Variants in ARHGAP10 observed in about 807,000 individuals in gnomAD.
ARHGAP10 encodes the protein rho GTPase-activating protein 10.
ARHGAP10 carries 87 observed loss-of-function variants against 108.6 expected under a neutral mutation model. The ratio of observed to expected loss-of-function variants is 0.80; its 90% confidence interval spans 0.67 to 0.96. The LOEUF (loss-of-function observed/expected upper bound fraction) is 0.96. Ranked by LOEUF, ARHGAP10 falls within the 40% of genes least tolerant of loss-of-function variation. The probability of loss-of-function intolerance (pLI) is 0.00; values close to 1 mark genes in which losing one functional copy is unlikely to be tolerated. For missense variants in ARHGAP10, 939 were observed against 954.5 expected, an observed-to-expected ratio of 0.98 and a Z score of 0.21; for synonymous variants, 347 against 341.1, an observed-to-expected ratio of 1.02 and a Z score of -0.19.
intron 1 of ARHGAP10, among the ~76,000 whole-genome samples, chr4:147,748,482 T>TA (rs1453367484): frequency 3.3e-5 from 5 of 152,206 alleles, no homozygotes; most frequent in Admixed American, 1.3e-4. Flanking sequence ...ATTGTATACT[T>TA]ACAATTTTCC....
chr4:147,767,417 G>A (rs1729880664), intron 1 of ARHGAP10, among the ~76,000 whole-genome samples: 1 of 151,594 alleles, frequency 6.6e-6, no homozygotes, highest in Non-Finnish European at 1.5e-5. Context: ...GGTTCTGAGT[G>A]GTAACTTAGT....
intron 1 of ARHGAP10, among the ~76,000 whole-genome samples, chr4:147,784,661 ATATATAT>A (rs36202812): frequency 0.92 from 60,803 of 65,826 alleles, 28,250 homozygotes; most frequent in Non-Finnish European, 0.98. Flanking sequence ...ATATTATAAA[ATATATAT>A]TATATATTAT....
At chr4:147,765,822 T>C (rs1729782892) in intron 1 of ARHGAP10, among the ~76,000 whole-genome samples, 2 of 152,010 alleles carry the variant, frequency 1.3e-5, no homozygotes. Flanking sequence ...AGAAGTTTCA[T>C]GCAAACAGTA....
intron 13 of ARHGAP10, among the ~76,000 whole-genome samples, chr4:147,939,610 G>A (rs1738092460): frequency 6.6e-6 from 1 of 152,138 alleles, no homozygotes; most frequent in South Asian, 2.1e-4. Flanking sequence ...TTGTCCACAT[G>A]GAACATTGTT....
In ARHGAP10 at chr4:148,064,437, A is replaced by C. The variant is rs1257789708; in HGVS notation, c.2202A>C (p.Arg734=). The C allele has an allele frequency of 6.2e-7, 1 of 1,613,998 alleles. No homozygotes were observed. Among genetic ancestry groups the C allele is most frequent in the South Asian group, 1.1e-5 (1 of 91,044 alleles). ...PPESIRSRKA[R]AVYPCEAEHS... is the part of the protein sequence containing the mutation. ...TCAGCATCCGCAGTCGGAAGGCTCG[A>C]GCCGTGTATCCGTGTGAAGCAGAAC... The change falls in exon 22 of 23, where the codon CGA becomes CGC. Residue 734 remains arginine, a synonymous_variant. Coordinates refer to ENST00000336498, the MANE Select transcript of ARHGAP10 (RefSeq NM_024605.4).
chr4:148,059,006 T>C (rs1204165557), intron 20 of ARHGAP10, among the ~76,000 whole-genome samples: 2 of 152,232 alleles, frequency 1.3e-5, no homozygotes, highest in East Asian at 1.9e-4. Context: ...AACAGTCAGG[T>C]AGACTTTCAG....
At chr4:147,751,765 C>G (rs1028102676) in intron 1 of ARHGAP10, among the ~76,000 whole-genome samples, 1 of 151,868 alleles carries the variant, frequency 6.6e-6, no homozygotes, top group Non-Finnish European at 1.5e-5. Flanking sequence ...TAGTTAATCT[C>G]GTAATAATTG....
At chr4:147,994,282 A>G (rs1334635187) in intron 18 of ARHGAP10, among the ~76,000 whole-genome samples, 1 of 152,226 alleles carries the variant, frequency 6.6e-6, no homozygotes, top group East Asian at 1.9e-4. Flanking sequence ...TAAGAAAGGA[A>G]ATCCCTGTAT....
chr4:147,938,679 G>T, intron 13 of ARHGAP10, among the ~76,000 whole-genome samples: 1 of 152,198 alleles, frequency 6.6e-6, no homozygotes, highest in Non-Finnish European at 1.5e-5. Context: ...GAGGTGAAAA[G>T]AAAGTAAACC....
At chr4:147,865,955 G>A (rs1452607035) in intron 6 of ARHGAP10, 4 of 152,184 alleles carry the variant, frequency 2.6e-5, no homozygotes, top group African/African-American at 9.7e-5. Flanking sequence ...ATAACTCAAT[G>A]AGGAGATAAG....
chr4:147,983,249 G>A (rs574147875), intron 18 of ARHGAP10, among the ~76,000 whole-genome samples: 37 of 147,188 alleles, frequency 2.5e-4, no homozygotes, highest in Admixed American at 2.2e-3. Flanking sequence ...ACAGTGGCAC[G>A]ATCTCGGCTC....
intron 12 of ARHGAP10, among the ~76,000 whole-genome samples, chr4:147,911,589 C>G (rs1487562297): frequency 1.3e-5 from 2 of 152,106 alleles, no homozygotes; most frequent in Admixed American, 6.5e-5. Context: ...GTCTTGATCT[C>G]CTGACTTCGT....
At chr4:148,043,880 AT>A in intron 19 of ARHGAP10, among the ~76,000 whole-genome samples, 1 of 151,220 alleles carries the variant, frequency 6.6e-6, no homozygotes, top group Middle Eastern at 3.4e-3. Flanking sequence ...TGCTAATTTG[AT>A]TTTTGGTTAA....
intron 13 of ARHGAP10, among the ~76,000 whole-genome samples, chr4:147,913,362 G>C (rs905709163): frequency 1.3e-5 from 2 of 152,172 alleles, no homozygotes; most frequent in African/African-American, 2.4e-5. Context: ...GGTCAGTGTT[G>C]AAATGAGAAT....
intron 8 of ARHGAP10, among the ~76,000 whole-genome samples, chr4:147,878,838 G>A (rs1002313238): frequency 2.0e-5 from 3 of 146,970 alleles, no homozygotes; most frequent in African/African-American, 2.5e-5. Flanking sequence ...GCGCAGTGGC[G>A]CGATCTCGGC....
intron 1 of ARHGAP10, among the ~76,000 whole-genome samples, chr4:147,773,852 A>AT (rs1730175055): frequency 6.6e-6 from 1 of 152,192 alleles, no homozygotes; most frequent in Non-Finnish European, 1.5e-5. Flanking sequence ...AAACCCCTTT[A>AT]TAGGATTATT....
At chr4:147,802,366 G>A (rs1364797639) in intron 1 of ARHGAP10, among the ~76,000 whole-genome samples, 1 of 152,176 alleles carries the variant, frequency 6.6e-6, no homozygotes, top group African/African-American at 2.4e-5. Flanking sequence ...GTGTGATGAT[G>A]GTTGATTTTG....
intron 1 of ARHGAP10, among the ~76,000 whole-genome samples, chr4:147,799,084 G>A (rs986085136): frequency 5.3e-5 from 8 of 151,528 alleles, no homozygotes; most frequent in African/African-American, 1.9e-4. Context: ...ACCCAGGCTG[G>A]AATGCATTGG....
intron 3 of ARHGAP10, among the ~76,000 whole-genome samples, chr4:147,837,650 T>TTTTTTTTTTTTTTTTTTTTTTTTTG (rs71250029): frequency 1.8e-5 from 2 of 112,078 alleles, no homozygotes; most frequent in African/African-American, 2.8e-5. Context: ...ACTGTTTTTT[T>TTTTTTTTTTTTTTTTTTTTTTTTTG]TTTTTTTTTT....
Sources: allele counts gnomAD v4.1 joint callset (sites outside exome capture counted in the v4.1 genomes callset), GRCh38; gene constraint gnomAD v4.1.1; transcripts MANE v1.5; gene names NCBI Gene and HGNC (gene_info 2026-07-23, HGNC 2026-07-21).